FBXW4: variants seen among roughly 807,000 people sequenced by gnomAD.
FBXW4 encodes F-box and WD repeat domain containing 4.
FBXW4 carries 40 observed loss-of-function variants against 61.8 expected under a neutral mutation model. The observed-to-expected ratio is 0.65, with a 90% CI of 0.50 to 0.84. The LOEUF (loss-of-function observed/expected upper bound fraction) is 0.84, where lower values mean the gene tolerates loss of function less well. FBXW4 is among the 40% of genes least tolerant of loss of function. The pLI is 0.00. For missense variants in FBXW4, 672 were observed against 753.8 expected (o/e 0.89, Z 1.27); for synonymous variants, 311 against 313.8 (o/e 0.99, Z 0.10).
At chr10:101,616,403 T>C (rs2063826714) in intron 6 of FBXW4, among the ~76,000 whole-genome samples, 1 of 152,214 alleles carries the variant, frequency 6.6e-6, no homozygotes, top group South Asian at 2.1e-4. Context: ...GAAGACTTTG[T>C]CCCTGCCTTC....
chr10:101,631,283 C>G (rs2063954134), intron 5 of FBXW4, among the ~76,000 whole-genome samples: 1 of 152,162 alleles, frequency 6.6e-6, no homozygotes, highest in Non-Finnish European at 1.5e-5. Context: ...ATATGCCTTG[C>G]CTTCAAGGGG....
chr10:101,620,449 C>G (rs567864003), intron 6 of FBXW4, among the ~76,000 whole-genome samples: 4 of 152,144 alleles, frequency 2.6e-5, no homozygotes, highest in South Asian at 2.1e-4. Context: ...TCTCTGGGGA[C>G]AGGACAGATG....
At chr10:101,647,978 G>C (rs1481307512) in intron 5 of FBXW4, among the ~76,000 whole-genome samples, 1 of 152,194 alleles carries the variant, frequency 6.6e-6, no homozygotes, top group African/African-American at 2.4e-5. Flanking sequence ...GGAATCTGCA[G>C]GGAGGGAGAT....
At chr10:101,649,966 G>A (rs1301611918) in intron 5 of FBXW4, among the ~76,000 whole-genome samples, 8 of 152,172 alleles carry the variant, frequency 5.3e-5, no homozygotes, top group Admixed American at 3.3e-4. Context: ...CCAGGTACTC[G>A]AAGTTTTGCT....
intron 6 of FBXW4, among the ~76,000 whole-genome samples, chr10:101,615,111 C>T (rs1336781329): frequency 6.6e-6 from 1 of 152,118 alleles, no homozygotes; most frequent in African/African-American, 2.4e-5. Flanking sequence ...CGTGGTGACC[C>T]CCCAAATTCA....
chr10:101,622,260 C>T (rs1174275745), intron 6 of FBXW4, among the ~76,000 whole-genome samples: 1 of 152,006 alleles, frequency 6.6e-6, no homozygotes, highest in Non-Finnish European at 1.5e-5. Context: ...AGAGCATCTT[C>T]GCCAGTGCTG....
At chr10:101,639,925 T>C (rs1326722013) in intron 5 of FBXW4, among the ~76,000 whole-genome samples, 1 of 152,248 alleles carries the variant, frequency 6.6e-6, no homozygotes, top group Non-Finnish European at 1.5e-5. Flanking sequence ...GTTTTATTTA[T>C]GTGAATTTGA....
chr10:101,640,475 T>G (rs901571553), intron 5 of FBXW4, among the ~76,000 whole-genome samples: 5 of 137,538 alleles, frequency 3.6e-5, no homozygotes, highest in African/African-American at 1.1e-4. Context: ...CTTTTCTTTC[T>G]TTCTTTCTCT....
At position 101,679,831 on chromosome 10, in the gene FBXW4, G is replaced by A. The variant is rs551492879; in HGVS notation, c.726-3395C>T. ...TGAAGTCTGGACTTTTAGTATGCCA[G>A]TCACCTGAATAGCGTACACTGTACC... On this transcript the variant is annotated intron_variant, in intron 1 of 8. Coordinates refer to ENST00000331272, the MANE Select transcript of FBXW4 (RefSeq NM_022039.4). 6.6e-5 allele frequency among the ~76,000 whole-genome samples: 10 copies of A among 152,262 alleles called. No homozygotes were observed. The South Asian group carries it at 2.1e-3, about 32-fold the overall frequency.
At chr10:101,659,232 C>A (rs909546617) in intron 5 of FBXW4, among the ~76,000 whole-genome samples, 3 of 152,146 alleles carry the variant, frequency 2.0e-5, no homozygotes, top group Non-Finnish European at 4.4e-5. Context: ...TCCCCTTCGG[C>A]AAGACCCCAG....
intron 5 of FBXW4, among the ~76,000 whole-genome samples, chr10:101,657,738 A>G (rs1419751867): frequency 1.3e-5 from 2 of 152,036 alleles, no homozygotes; most frequent in Non-Finnish European, 2.9e-5. Flanking sequence ...CAGATGTCCA[A>G]TCCGTAGTCA....
chr10:101,679,094 A>G (rs2064446378), intron 1 of FBXW4, among the ~76,000 whole-genome samples: 1 of 152,168 alleles, frequency 6.6e-6, no homozygotes, highest in Non-Finnish European at 1.5e-5. Context: ...GTAGATAAGT[A>G]TATATGCATG....
At chr10:101,633,668 ATTATTATATACCAGCAATAACCAAGTG>A (rs1470305717) in intron 5 of FBXW4, among the ~76,000 whole-genome samples, 137 of 152,274 alleles carry the variant, frequency 9.0e-4, no homozygotes, top group South Asian at 5.4e-3. Context: ...GATGTTAGTT[ATTATTATATACCAGCAATAACCAAGTG>A]TTATTATATA....
intron 5 of FBXW4, chr10:101,660,177 C>T (rs1297795827): frequency 3.0e-6 from 3 of 985,284 alleles, no homozygotes; most frequent in Middle Eastern, 5.2e-4. Context: ...CTACACAGCA[C>T]CTTCATTTGA....
Position 101,694,401 on chromosome 10 carries a change from G to A in FBXW4, c.705C>T (p.Phe235=). ...RIARASLNSG[F]TRLGTDLMTS... ...CTTACAGGTCGGTGCCGAGCCGCGT[G>A]AAGCCGGAGTTGAGCGAGGCCCGGG... Residue 235 remains phenylalanine (F), a synonymous_variant, in exon 1 of 9, where the codon TTC becomes TTT. Transcript: ENST00000331272. This position sits in a 1 kb window ranked among gnomAD's most constrained non-coding sequence, Gnocchi z 6.0. 3 of 1,487,572 alleles carry A rather than the reference G, an allele frequency of 2.0e-6. No individual in the cohort carries two copies. The highest frequency in any genetic ancestry group is 2.4e-4 in the Middle Eastern group (1 of 4,150). 92.1% of individuals were successfully genotyped at this position (1,487,572 alleles called of 1,614,324 possible).
At chr10:101,650,720 A>G (rs1243800876) in intron 5 of FBXW4, among the ~76,000 whole-genome samples, 1 of 152,186 alleles carries the variant, frequency 6.6e-6, no homozygotes, top group Non-Finnish European at 1.5e-5. Context: ...ATCTGCCACC[A>G]GCCTCTAGGG....
chr10:101,617,031 G>A (rs1256840807), intron 6 of FBXW4, among the ~76,000 whole-genome samples: 1 of 152,192 alleles, frequency 6.6e-6, no homozygotes, highest in Non-Finnish European at 1.5e-5. Context: ...CTTTGTGTCT[G>A]CTGGAGCCAG....
intron 5 of FBXW4, among the ~76,000 whole-genome samples, chr10:101,653,618 C>A (rs1292870165): frequency 6.6e-6 from 1 of 152,222 alleles, no homozygotes; most frequent in Non-Finnish European, 1.5e-5. Flanking sequence ...GACTTAATAA[C>A]AAGGCTACAG....
At chr10:101,661,466 T>C (rs753284187) in intron 5 of FBXW4, among the ~76,000 whole-genome samples, 2 of 152,200 alleles carry the variant, frequency 1.3e-5, no homozygotes, top group Non-Finnish European at 2.9e-5. Flanking sequence ...TGGAGGGCAC[T>C]GTACTGAGAT....
Sources: allele counts gnomAD v4.1 joint callset (sites outside exome capture counted in the v4.1 genomes callset), GRCh38; gene constraint gnomAD v4.1.1; non-coding constraint Gnocchi (gnomAD v3.1); transcripts MANE v1.5; gene names NCBI Gene and HGNC (gene_info 2026-07-23, HGNC 2026-07-21).